CNTNAP2: variants seen among roughly 807,000 people sequenced by gnomAD.
CNTNAP2 encodes contactin-associated protein-like 2.
CNTNAP2 carries 98 observed loss-of-function variants against 155.2 expected under a neutral mutation model. The ratio of observed to expected loss-of-function variants is 0.63; its 90% CI spans 0.54 to 0.75. CNTNAP2 has a LOEUF of 0.75. Among genes scored for constraint, CNTNAP2 ranks in the 30% least tolerant of loss-of-function variants. The probability of loss-of-function intolerance (pLI) is 0.00; values close to 1 mark genes in which losing one functional copy is unlikely to be tolerated. For synonymous variants in CNTNAP2, 651 were observed against 631.2 expected, an observed-to-expected ratio of 1.03 and a Z score of -0.47; for missense variants, 1,727 against 1,688.1, an observed-to-expected ratio of 1.02 and a Z score of -0.40.
intron 13 of CNTNAP2, among the ~76,000 whole-genome samples, chr7:147,898,907 C>A (rs544233578): frequency 4.6e-5 from 7 of 152,300 alleles, no homozygotes; most frequent in Admixed American, 1.3e-4. Flanking sequence ...TGGCAAGGAA[C>A]CTCTGTTCTC....
In CNTNAP2 at chr7:146,292,713, G is replaced by A. The variant is rs568638989; in HGVS notation, c.97+175740G>A. Among the ~76,000 whole-genome samples the A allele has an allele frequency of 2.0e-3, 305 of 152,244 alleles. 2 individuals carry two copies. Among genetic ancestry groups the A allele is most frequent in the African/African-American group, 6.9e-3 (287 of 41,532 alleles). On this transcript the variant is annotated intron_variant, in intron 1 of 23. Coordinates refer to ENST00000361727, the MANE Select transcript of CNTNAP2 (RefSeq NM_014141.6). ...CACTATTCAGCTTTACAAAAGAAAT[G>A]TTGTCATTTGTGACAACAGTGAAAT... is the stretch of plus-strand genomic sequence containing the variant.
At chr7:147,178,324 A>G (rs1333098134) in intron 8 of CNTNAP2, among the ~76,000 whole-genome samples, 1 of 152,186 alleles carries the variant, frequency 6.6e-6, no homozygotes, top group Non-Finnish European at 1.5e-5. Context: ...TGGTTTGAAG[A>G]CAGAAAATGG....
intron 1 of CNTNAP2, among the ~76,000 whole-genome samples, chr7:146,272,088 T>C (rs1303556467): frequency 6.6e-6 from 1 of 152,116 alleles, no homozygotes. Flanking sequence ...CAAGACTGGG[T>C]AATTTACAAA....
At chr7:148,319,696 G>T (rs1443263520) in intron 21 of CNTNAP2, among the ~76,000 whole-genome samples, 1 of 151,678 alleles carries the variant, frequency 6.6e-6, no homozygotes, top group African/African-American at 2.4e-5. Flanking sequence ...GCATGCGAGG[G>T]ATCTAGGTTG....
chr7:147,180,164 T>G (rs536342909), intron 8 of CNTNAP2, among the ~76,000 whole-genome samples: 5 of 152,186 alleles, frequency 3.3e-5, no homozygotes, highest in African/African-American at 1.2e-4. Flanking sequence ...CCATCACCCA[T>G]GTTCATTTCC....
chr7:148,082,906 T>C (rs1269768519), intron 15 of CNTNAP2, among the ~76,000 whole-genome samples: 1 of 151,970 alleles, frequency 6.6e-6, no homozygotes, highest in African/African-American at 2.4e-5. Context: ...GTCGATCTCT[T>C]GACCTCGTGA....
intron 13 of CNTNAP2, among the ~76,000 whole-genome samples, chr7:147,812,592 C>A (rs974921225): frequency 1.3e-5 from 2 of 152,070 alleles, no homozygotes; most frequent in Non-Finnish European, 2.9e-5. Flanking sequence ...GCCCCCTCCC[C>A]ACCCTATCCG....
At chr7:146,865,856 C>T (rs1252732171) in intron 3 of CNTNAP2, among the ~76,000 whole-genome samples, 2 of 152,098 alleles carry the variant, frequency 1.3e-5, no homozygotes, top group African/African-American at 4.8e-5. Context: ...AATTCATTCA[C>T]AATACACAAA....
chr7:147,272,894 A>T (rs1804788641), intron 8 of CNTNAP2, among the ~76,000 whole-genome samples: 1 of 152,024 alleles, frequency 6.6e-6, no homozygotes, highest in Non-Finnish European at 1.5e-5. Context: ...ATATACTTCC[A>T]TTTGCTTATG....
chr7:146,549,251 T>C (rs1798079176), intron 1 of CNTNAP2, among the ~76,000 whole-genome samples: 1 of 151,962 alleles, frequency 6.6e-6, no homozygotes, highest in Non-Finnish European at 1.5e-5. Flanking sequence ...CCAGATTAAG[T>C]TCTGTTATGT....
intron 2 of CNTNAP2, among the ~76,000 whole-genome samples, chr7:146,783,552 C>T (rs1410469642): frequency 2.6e-5 from 4 of 152,174 alleles, no homozygotes; most frequent in Admixed American, 1.3e-4. Context: ...AAAGCAAACT[C>T]ACCAGGCAAT....
At chr7:146,847,818 A>T (rs1422163702) in intron 3 of CNTNAP2, among the ~76,000 whole-genome samples, 1 of 152,200 alleles carries the variant, frequency 6.6e-6, no homozygotes, top group Admixed American at 6.5e-5. Flanking sequence ...ATGCCTTGTC[A>T]TATGAATTGT....
At chr7:146,311,605 TACAAAAAAAAAAAA>T (rs1800821990) in intron 1 of CNTNAP2, 1 of 14,612 alleles carries the variant, frequency 6.8e-5, no homozygotes, top group Non-Finnish European at 1.5e-4. Context: ...ACCTTGTCTT[TACAAAAAAAAAAAA>T]AAAAAAAAAG....
At chr7:147,136,312 C>G (rs998559611) in intron 8 of CNTNAP2, among the ~76,000 whole-genome samples, 1 of 151,972 alleles carries the variant, frequency 6.6e-6, no homozygotes, top group African/African-American at 2.4e-5. Flanking sequence ...TTCTTATACT[C>G]AAGTATTGGA....
chr7:146,516,808 G>C (rs1472065294), intron 1 of CNTNAP2, among the ~76,000 whole-genome samples: 1 of 151,804 alleles, frequency 6.6e-6, no homozygotes, highest in African/African-American at 2.4e-5. Context: ...TTGCTTTTCT[G>C]ACAGTATTTT....
intron 21 of CNTNAP2, among the ~76,000 whole-genome samples, chr7:148,369,285 G>A (rs999079510): frequency 2.4e-5 from 3 of 127,170 alleles, no homozygotes; most frequent in East Asian, 2.9e-4. Flanking sequence ...TGCAACCTCC[G>A]CCTCCCAGGT....
At chr7:148,057,963 T>C (rs1031117828) in intron 15 of CNTNAP2, among the ~76,000 whole-genome samples, 1 of 147,144 alleles carries the variant, frequency 6.8e-6, no homozygotes, top group African/African-American at 2.5e-5. Context: ...ATTATTATTA[T>C]TATTATTATT....
intron 8 of CNTNAP2, among the ~76,000 whole-genome samples, chr7:147,286,897 A>G (rs1254583836): frequency 6.6e-6 from 1 of 152,092 alleles, no homozygotes; most frequent in Non-Finnish European, 1.5e-5. Flanking sequence ...CACTTATAAG[A>G]GTTGACTAGT....
intron 12 of CNTNAP2, among the ~76,000 whole-genome samples, chr7:147,603,974 G>T (rs985976726): frequency 2.6e-5 from 4 of 151,728 alleles, no homozygotes; most frequent in Non-Finnish European, 5.9e-5. Context: ...AATGGGGAAA[G>T]GATTCCCTAT....
Sources: allele counts gnomAD v4.1 joint callset (sites outside exome capture counted in the v4.1 genomes callset), GRCh38; gene constraint gnomAD v4.1.1; transcripts MANE v1.5; gene names NCBI Gene and HGNC (gene_info 2026-07-23, HGNC 2026-07-21).